The following GPM6A variants were observed in gnomAD, a reference collection of about 807,000 sequenced individuals.
GPM6A encodes the protein neuronal membrane glycoprotein M6-a.
Under a neutral mutation model 32.1 loss-of-function variants are expected in GPM6A, and 7 were observed. The observed-to-expected ratio is 0.22, with a 90% CI of 0.12 to 0.41. The LOEUF (loss-of-function observed/expected upper bound fraction) is 0.41, where lower values mean the gene tolerates loss of function less well. Among genes scored for constraint, GPM6A ranks in the 10% least tolerant of loss-of-function variants. The pLI, the probability that GPM6A is intolerant of heterozygous loss-of-function variation, is 1.00. For synonymous variants in GPM6A, 130 were observed against 123.4 expected (o/e 1.05, Z -0.35); for missense variants, 235 against 347.2 (o/e 0.68, Z 2.57).
intron 1 of GPM6A, among the ~76,000 whole-genome samples, chr4:175,810,983 A>G (rs1194841630): frequency 6.6e-6 from 1 of 152,124 alleles, no homozygotes; most frequent in Non-Finnish European, 1.5e-5. Context: ...TAAAATTGGG[A>G]AATCAACTTA....
intron 1 of GPM6A, among the ~76,000 whole-genome samples, chr4:175,711,409 A>AATATATATATATAT (rs36105210): frequency 2.3e-4 from 12 of 53,292 alleles, no homozygotes; most frequent in South Asian, 9.3e-4. Context: ...TGGCACACCA[A>AATATATATATATAT]ATATATATAT....
At chr4:175,887,094 T>C (rs868443118) in intron 1 of GPM6A, among the ~76,000 whole-genome samples, 5 of 152,002 alleles carry the variant, frequency 3.3e-5, no homozygotes, top group Non-Finnish European at 7.4e-5. Context: ...AATGGACATA[T>C]ATGAAACCTG....
At chr4:175,891,634 A>T (rs575181944) in intron 1 of GPM6A, 1 of 152,382 alleles carries the variant, frequency 6.6e-6, no homozygotes. Context: ...TAATTAAAAC[A>T]GAAACATACA....
chr4:175,938,824 G>T (rs1239233842), intron 1 of GPM6A, among the ~76,000 whole-genome samples: 1 of 150,996 alleles, frequency 6.6e-6, no homozygotes, highest in African/African-American at 2.4e-5. Flanking sequence ...CACATTCTAT[G>T]CATGGAACAA....
chr4:175,902,739 G>A (rs1257152467), intron 1 of GPM6A, among the ~76,000 whole-genome samples: 2 of 151,716 alleles, frequency 1.3e-5, no homozygotes, highest in Non-Finnish European at 2.9e-5. Context: ...ATTTTTCTCC[G>A]GGACCCCTCT....
chr4:175,983,898 T>A (rs1471234372), intron 1 of GPM6A, among the ~76,000 whole-genome samples: 1 of 152,124 alleles, frequency 6.6e-6, no homozygotes, highest in African/African-American at 2.4e-5. Context: ...CAGGGAAGCA[T>A]CTGGAGTTTT....
chr4:175,911,522 A>G (rs537964069), intron 1 of GPM6A, among the ~76,000 whole-genome samples: 2 of 152,306 alleles, frequency 1.3e-5, no homozygotes, highest in Admixed American at 1.3e-4. Context: ...CATTGACATA[A>G]TAAGCCATGT....
At chr4:175,991,013 C>A (rs993788693) in intron 1 of GPM6A, among the ~76,000 whole-genome samples, 1 of 151,728 alleles carries the variant, frequency 6.6e-6, no homozygotes, top group Admixed American at 6.6e-5. Context: ...TTCTTACATA[C>A]AATTAACAAA....
intron 1 of GPM6A, among the ~76,000 whole-genome samples, chr4:176,000,421 T>C (rs570630608): frequency 6.6e-6 from 1 of 152,328 alleles, no homozygotes; most frequent in Admixed American, 6.5e-5. Flanking sequence ...TTAGGGATGA[T>C]TGTTAATTAT....
At chr4:175,978,854 C>A (rs889435227) in intron 1 of GPM6A, among the ~76,000 whole-genome samples, 2 of 151,862 alleles carry the variant, frequency 1.3e-5, no homozygotes, top group African/African-American at 2.4e-5. Flanking sequence ...AGTTAAGAAC[C>A]GCTGCTAATC....
intron 1 of GPM6A, among the ~76,000 whole-genome samples, chr4:175,855,115 C>T (rs1736377642): frequency 6.6e-6 from 1 of 152,082 alleles, no homozygotes; most frequent in African/African-American, 2.4e-5. Flanking sequence ...CATAGTTCCA[C>T]AGTATTTTTT....
intron 1 of GPM6A, among the ~76,000 whole-genome samples, chr4:175,990,241 A>G (rs1741096871): frequency 6.6e-6 from 1 of 152,166 alleles, no homozygotes; most frequent in South Asian, 2.1e-4. Flanking sequence ...ATCTGTAACC[A>G]AATCTGCTTG....
At chr4:175,727,514 C>A (rs1385088415) in intron 1 of GPM6A, among the ~76,000 whole-genome samples, 1 of 152,104 alleles carries the variant, frequency 6.6e-6, no homozygotes, top group Non-Finnish European at 1.5e-5. Context: ...AATTTCTGGT[C>A]TTTTTAATTA....
chr4:175,870,291 T>C (rs116575477), intron 1 of GPM6A, among the ~76,000 whole-genome samples: 2 of 152,198 alleles, frequency 1.3e-5, no homozygotes, highest in African/African-American at 2.4e-5. Context: ...GTAATTCAAT[T>C]CCTCAAATAT....
chr4:175,845,915 T>A (rs936706138), intron 1 of GPM6A, among the ~76,000 whole-genome samples: 2 of 152,098 alleles, frequency 1.3e-5, no homozygotes, highest in Admixed American at 6.6e-5. Flanking sequence ...CCTTCAAATG[T>A]AAGTTGTACT....
At chr4:175,728,505 A>G (rs1365298519) in intron 1 of GPM6A, among the ~76,000 whole-genome samples, 1 of 152,192 alleles carries the variant, frequency 6.6e-6, no homozygotes, top group Non-Finnish European at 1.5e-5. Context: ...CCTTTTCTGT[A>G]GATAAAGATA....
chr4:175,663,985 C>T (rs1001640263), intron 3 of GPM6A, among the ~76,000 whole-genome samples: 6 of 152,112 alleles, frequency 3.9e-5, no homozygotes, highest in Non-Finnish European at 7.4e-5. Flanking sequence ...AGCCACCGTG[C>T]CCAGCCAAAA....
intron 1 of GPM6A, among the ~76,000 whole-genome samples, chr4:175,912,952 C>G (rs1372247767): frequency 2.6e-5 from 4 of 151,998 alleles, no homozygotes; most frequent in Admixed American, 2.6e-4. Context: ...TACTAAAGTA[C>G]CATATAATTT....
chr4:175,937,610 C>T (rs566269174), intron 1 of GPM6A, among the ~76,000 whole-genome samples: 1 of 152,112 alleles, frequency 6.6e-6, no homozygotes, highest in Non-Finnish European at 1.5e-5. Flanking sequence ...CTTAAAGTAT[C>T]CAGCATGTTG....
Sources: gnomAD v4.1 joint callset for allele counts (sites outside exome capture counted in the v4.1 genomes callset) on GRCh38, gnomAD v4.1.1 for gene constraint, MANE v1.5 for transcripts, NCBI Gene and HGNC (gene_info 2026-07-23, HGNC 2026-07-21) for gene names.